Variants in DMD observed in about 807,000 individuals in gnomAD.
DMD encodes dystrophin.
A neutral mutation model predicts 330.1 loss-of-function variants in DMD; 63 were observed. The ratio of observed to expected loss-of-function variants is 0.19; its 90% CI spans 0.16 to 0.24. The LOEUF (loss-of-function observed/expected upper bound fraction) is 0.24. DMD is among the 10% of genes least tolerant of loss of function. The probability of loss-of-function intolerance (pLI) is 1.00; values close to 1 mark genes in which losing one functional copy is unlikely to be tolerated. For missense variants in DMD, 3,344 were observed against 2,684.1 expected, an observed-to-expected ratio of 1.25 and a Z score of -5.43; for synonymous variants, 1,223 against 959.8, an observed-to-expected ratio of 1.27 and a Z score of -5.07.
At position 31,457,709 on chromosome X, in the gene DMD, C is replaced by T. The variant is rs1020916796; in HGVS notation, c.8938-13082G>A. On this transcript the variant is annotated intron_variant, in intron 59 of 78. Transcript: ENST00000357033. ...AATCTAGAATTGTGAGTTACCCGTG[C>T]AATATGCTGTACCTGGTTTGCTTTA... Among the ~76,000 whole-genome samples, 147 of 111,707 alleles carry T rather than the reference C, an allele frequency of 1.3e-3. 1 individual carries two copies. Among genetic ancestry groups the T allele is most frequent in the African/African-American group, 4.4e-3 (136 of 30,769 alleles).
intron 44 of DMD, among the ~76,000 whole-genome samples, chrX:32,007,548 C>T (rs1248995947): frequency 1.8e-5 from 2 of 110,936 alleles, no homozygotes; most frequent in African/African-American, 6.6e-5. Context: ...CCTATATTGC[C>T]AAGTGCATAC....
chrX:32,473,269 G>T (rs1047180459), intron 21 of DMD, among the ~76,000 whole-genome samples: 3 of 111,046 alleles, frequency 2.7e-5, no homozygotes, highest in African/African-American at 9.8e-5. Flanking sequence ...TTTGACAGGG[G>T]TAAATAGAAA....
At chrX:32,863,272 T>A (rs1178932754) in intron 2 of DMD, among the ~76,000 whole-genome samples, 12 of 109,425 alleles carry the variant, frequency 1.1e-4, no homozygotes, top group African/African-American at 4.0e-4. Flanking sequence ...ACCCCAGTAC[T>A]TTGGGAGGCC....
intron 7 of DMD, among the ~76,000 whole-genome samples, chrX:32,705,104 C>G (rs58153708): frequency 9.0e-6 from 1 of 111,662 alleles, no homozygotes; most frequent in Non-Finnish European, 1.9e-5. Flanking sequence ...TACATGTATT[C>G]TCTACTTACA....
chrX:31,482,036 A>T (rs1393511046), intron 57 of DMD, among the ~76,000 whole-genome samples: 8 of 111,012 alleles, frequency 7.2e-5, no homozygotes, highest in South Asian at 3.9e-4. Context: ...CAGCCACTCA[A>T]GTAGGAAAAT....
intron 44 of DMD, among the ~76,000 whole-genome samples, chrX:32,216,216 AAC>A (rs2147859437): frequency 8.9e-6 from 1 of 112,161 alleles, no homozygotes; most frequent in South Asian, 3.6e-4. Flanking sequence ...TCGTGTAATA[AAC>A]ACAGTGTTTC....
intron 33 of DMD, among the ~76,000 whole-genome samples, chrX:32,384,396 C>A (rs2097944567): frequency 1.0e-5 from 1 of 95,677 alleles, no homozygotes; most frequent in African/African-American, 4.3e-5. Flanking sequence ...CTTGGTAGAC[C>A]AAATGAACAG....
intron 27 of DMD, among the ~76,000 whole-genome samples, chrX:32,445,254 A>G (rs886834513): frequency 4.5e-5 from 5 of 111,016 alleles, no homozygotes; most frequent in Non-Finnish European, 9.5e-5. Context: ...GAGCCAGGTC[A>G]GTGGTGATAA....
chrX:32,389,873 A>C (rs763486885), intron 31 of DMD, among the ~76,000 whole-genome samples, 198 bp downstream of exon 31: 1 of 112,144 alleles, frequency 8.9e-6, no homozygotes, highest in South Asian at 3.7e-4. Flanking sequence ...TCTTAATGTT[A>C]TACTAAATAA....
At chrX:33,033,739 T>C (rs2094158206) in intron 1 of DMD, among the ~76,000 whole-genome samples, 1 of 110,310 alleles carries the variant, frequency 9.1e-6, no homozygotes, top group African/African-American at 3.3e-5. Flanking sequence ...GCTCTCATAC[T>C]AGCCTTATTG....
At chrX:32,817,914 T>G (rs765850483) in intron 5 of DMD, among the ~76,000 whole-genome samples, 3 of 112,160 alleles carry the variant, frequency 2.7e-5, no homozygotes, top group Non-Finnish European at 5.6e-5. Context: ...ATATGAAATC[T>G]TTGCATGTAT....
intron 42 of DMD, among the ~76,000 whole-genome samples, chrX:32,294,376 C>A (rs1223812002): frequency 8.9e-6 from 1 of 111,964 alleles, no homozygotes; most frequent in Non-Finnish European, 1.9e-5. Context: ...TCTTCCCCAT[C>A]AGCATATAAA....
intron 6 of DMD, among the ~76,000 whole-genome samples, chrX:32,809,963 GA>G (rs1429920945): frequency 1.6e-5 from 1 of 62,864 alleles, no homozygotes; most frequent in Non-Finnish European, 3.2e-5. Flanking sequence ...AAGAAAGAAA[GA>G]AAGAAAAACT....
intron 47 of DMD, among the ~76,000 whole-genome samples, chrX:31,914,646 A>T (rs2094586373): frequency 8.9e-6 from 1 of 111,973 alleles, no homozygotes; most frequent in Non-Finnish European, 1.9e-5. Context: ...AAAACATCTC[A>T]TGTTCTCACT....
At chrX:31,831,737 T>A (rs1052125671) in intron 49 of DMD, among the ~76,000 whole-genome samples, 1 of 110,884 alleles carries the variant, frequency 9.0e-6, no homozygotes, top group Non-Finnish European at 1.9e-5. Context: ...TAGCTGGGAC[T>A]ACAGATGCCT....
chrX:32,810,496 A>G (rs2077290471), intron 6 of DMD, among the ~76,000 whole-genome samples: 2 of 111,945 alleles, frequency 1.8e-5, no homozygotes, highest in South Asian at 7.5e-4. Context: ...CCCTTCCTCA[A>G]TAATGAACAA....
intron 18 of DMD, among the ~76,000 whole-genome samples, chrX:32,510,970 C>T (rs2045234652): frequency 9.1e-6 from 1 of 109,849 alleles, no homozygotes; most frequent in African/African-American, 3.3e-5. Context: ...CTTCCACCTC[C>T]TCTCTCTATG....
intron 60 of DMD, among the ~76,000 whole-genome samples, chrX:31,411,774 C>T (rs1456318666): frequency 1.8e-5 from 2 of 109,692 alleles, no homozygotes; most frequent in Admixed American, 1.9e-4. Context: ...GCTGGGACTA[C>T]AGTTGCCTGC....
upstream of DMD, among the ~76,000 whole-genome samples, chrX:33,212,856 A>T (rs1455677689): frequency 8.9e-6 from 1 of 111,811 alleles, no homozygotes; most frequent in East Asian, 2.8e-4. Flanking sequence ...AAAACAACAT[A>T]GAAAAAATGA....
Sources: gnomAD v4.1 joint callset for allele counts (sites outside exome capture counted in the v4.1 genomes callset) on GRCh38, gnomAD v4.1.1 for gene constraint, MANE v1.5 for transcripts, NCBI Gene and HGNC (gene_info 2026-07-23, HGNC 2026-07-21) for gene names.